The following GPAT3 variants were observed in gnomAD, a reference collection of about 807,000 sequenced individuals.
GPAT3 encodes 1-AGP acyltransferase 9.
Under a neutral mutation model 58.8 loss-of-function variants are expected in GPAT3, and 53 were observed. That is an observed-to-expected ratio of 0.90 (90% confidence interval 0.72 to 1.13). The LOEUF is 1.13. Among genes scored for constraint, GPAT3 ranks in the 50% most tolerant of loss-of-function variants. The pLI is 0.00. For synonymous variants in GPAT3, 197 were observed against 187.4 expected (o/e 1.05, Z -0.42); for missense variants, 511 against 527.6 (o/e 0.97, Z 0.31).
At chr4:83,598,623 T>TTG in intron 10 of GPAT3, 21 bp from the exon 11 acceptor site, 2 of 267,274 alleles carry the variant, frequency 7.5e-6, no homozygotes, top group African/African-American at 5.1e-5. Flanking sequence ...ATTCTTGCAA[T>TTG]TTTTTTTTTT....
chr4:83,595,851 G>T (rs578058551), intron 7 of GPAT3, among the ~76,000 whole-genome samples: 30 of 152,202 alleles, frequency 2.0e-4, no homozygotes, highest in Non-Finnish European at 3.2e-4. Context: ...AAGGCACATT[G>T]GTTATCGCTT....
At chr4:83,535,835 A>G (rs573311588), upstream of GPAT3, 164 of 985,444 alleles carry the variant, frequency 1.7e-4, no homozygotes, top group Non-Finnish European at 1.9e-4. Context: ...TTCGTTTTAC[A>G]CCCACACAAA....
chr4:83,590,885 CTTTTTTTTTTTT>C (rs5859882), intron 6 of GPAT3, among the ~76,000 whole-genome samples: 6 of 114,314 alleles, frequency 5.2e-5, no homozygotes, highest in Admixed American at 1.9e-4. Context: ...GAATCATATT[CTTTTTTTTTTTT>C]TTTTTTTTCA....
intron 1 of GPAT3, among the ~76,000 whole-genome samples, chr4:83,543,850 A>G (rs1724401707): frequency 6.6e-6 from 1 of 152,152 alleles, no homozygotes; most frequent in South Asian, 2.1e-4. Flanking sequence ...CATGTTGGCC[A>G]GGCTAGTCTT....
intron 6 of GPAT3, among the ~76,000 whole-genome samples, chr4:83,592,526 A>G (rs1358249888): frequency 6.6e-6 from 1 of 152,218 alleles, no homozygotes; most frequent in African/African-American, 2.4e-5. Flanking sequence ...GTAGTATACA[A>G]CAGATGTTTT....
chr4:83,540,702 G>A lies in GPAT3; in HGVS notation c.142-3834G>A, dbSNP rs553341648. Among the ~76,000 whole-genome samples, 21 of 151,804 alleles carry A rather than the reference G, an allele frequency of 1.4e-4. No individual in the cohort carries two copies. The South Asian group carries it at 4.4e-3, about 32-fold the overall frequency. On this transcript the variant is annotated intron_variant, in intron 1 of 11. Transcript: ENST00000264409. ...TTTTTATTTTATTTTATTTCTTTTT[G>A]TGAGACAGAGCCTCGCTCTGTCACC...
chr4:83,561,367 G>A (rs770301835), intron 2 of GPAT3, among the ~76,000 whole-genome samples: 8 of 152,156 alleles, frequency 5.3e-5, no homozygotes, highest in Non-Finnish European at 1.0e-4. Flanking sequence ...AAGGTGTTAA[G>A]TCCATGTTCC....
intron 6 of GPAT3, 137 bp downstream of exon 6, chr4:83,590,429 T>C (rs77743097): frequency 0.011 from 7,449 of 708,576 alleles, 339 homozygotes; most frequent in African/African-American, 0.1. Flanking sequence ...ATATAAGTTA[T>C]GTAATGTATT....
chr4:83,562,108 C>G (rs113067978), intron 2 of GPAT3, among the ~76,000 whole-genome samples: 3,762 of 145,520 alleles, frequency 0.026, 164 homozygotes, highest in African/African-American at 0.091. Flanking sequence ...AAATTGTAAG[C>G]AAAGGCAGGA....
At position 83,597,459 on chromosome 4, in the gene GPAT3, A is replaced by T. The variant is rs369595235; in HGVS notation, c.940A>T (p.Met314Leu). Residue 314 changes from methionine (M) to leucine (L), a missense_variant, in exon 9 of 12, where the codon ATG (methionine) becomes TTG (leucine). Coordinates refer to ENST00000264409, the MANE Select transcript of GPAT3 (RefSeq NM_032717.5). ...TTGCATCAACAATACTTCAGTCATG[A>T]TGTTTAAAAAGGGGAGCTTTGAAAT... ...GTCINNTSVMMFKKGSFEIGG... is the reference protein window; with the variant it reads ...GTCINNTSVMLFKKGSFEIGG... 8 of 1,574,138 alleles carry T rather than the reference A, an allele frequency of 5.1e-6. No individual in the cohort carries two copies. In the African/African-American group the frequency reaches 5.4e-5, roughly 11 times the overall value.
chr4:83,555,375 G>T (rs866254389), intron 2 of GPAT3, among the ~76,000 whole-genome samples: 35 of 151,994 alleles, frequency 2.3e-4, no homozygotes, highest in Admixed American at 2.0e-4. Context: ...TCCCCAAAGG[G>T]CAATGATTAA....
At chr4:83,547,158 G>A (rs1211912724) in intron 2 of GPAT3, among the ~76,000 whole-genome samples, 2 of 151,362 alleles carry the variant, frequency 1.3e-5, no homozygotes, top group Non-Finnish European at 2.9e-5. Context: ...AGGTGTGTCT[G>A]AATGATATAG....
intron 3 of GPAT3, among the ~76,000 whole-genome samples, chr4:83,584,377 A>T (rs1448135370): frequency 6.6e-6 from 1 of 152,226 alleles, no homozygotes; most frequent in Non-Finnish European, 1.5e-5. Context: ...GTGTGGAAGA[A>T]CTGCTTTGTA....
In GPAT3 at chr4:83,536,266, G is replaced by C; in HGVS notation, c.-357G>C. The C allele has an allele frequency of 1.9e-6, 2 of 1,026,136 alleles. No individual in the cohort carries two copies. Among genetic ancestry groups the C allele is most frequent in the Non-Finnish European group, 2.3e-6 (2 of 856,746 alleles). The allele number at this position is 1,026,136 out of a possible 1,614,324, so 63.6% of individuals were successfully genotyped here. On this transcript the variant is annotated 5_prime_UTR_variant, in exon 1 of 12. Transcript: ENST00000264409. ...CAGAGGAAATCAGGCACCGGGCGGG[G>C]CGGGTTCCTGGCTGCGCTCGCGCGC... is the stretch of plus-strand genomic sequence containing the variant.
At chr4:83,582,786 G>GTT (rs148147038) in intron 3 of GPAT3, among the ~76,000 whole-genome samples, 6 of 150,650 alleles carry the variant, frequency 4.0e-5, no homozygotes, top group East Asian at 3.9e-4. Context: ...TGTTGTTGTT[G>GTT]TTTTTTTTTG....
intron 3 of GPAT3, among the ~76,000 whole-genome samples, chr4:83,582,446 C>T (rs1717629): frequency 0.017 from 2,646 of 152,234 alleles, 77 homozygotes; most frequent in African/African-American, 0.061. Context: ...ATGGAAAGCA[C>T]GATGTGGAAC....
At chr4:83,600,669 A>T (rs1293937606) in intron 11 of GPAT3, among the ~76,000 whole-genome samples, 2 of 151,448 alleles carry the variant, frequency 1.3e-5, no homozygotes, top group East Asian at 1.9e-4. Context: ...TCCCCAGCTA[A>T]TTTTTTTTGT....
chr4:83,602,916 A>G (rs1056485505), intron 11 of GPAT3, among the ~76,000 whole-genome samples: 4 of 152,138 alleles, frequency 2.6e-5, no homozygotes, highest in South Asian at 4.1e-4. Flanking sequence ...ACCTCCCACA[A>G]CTGACCCACT....
At position 83,594,920 on chromosome 4, in the gene GPAT3, G is replaced by A. The variant is rs902660406; in HGVS notation, c.814G>A (p.Glu272Lys). 6.2e-7 allele frequency: 1 copy of A among 1,613,796 alleles called. No homozygotes were observed. The highest frequency in any genetic ancestry group is 1.3e-5 in the African/African-American group (1 of 74,900). Reference sequence around the variant, plus strand: ...CAAGGCTTGTCCTCATGTCTGGTTTGAACGCTCAGAAATGAAGGATCGACA... The same window carrying A: ...CAAGGCTTGTCCTCATGTCTGGTTTAAACGCTCAGAAATGAAGGATCGACA... ...MVKACPHVWFERSEMKDRHLV... is the reference protein window; with the variant it reads ...MVKACPHVWFKRSEMKDRHLV... The change falls in exon 7 of 12, where the codon GAA (glutamate) becomes AAA (lysine). Residue 272 changes from glutamate (E) to lysine (K), a missense_variant. Glu to Lys is a moderately conservative substitution (Grantham distance 56). Transcript: ENST00000264409.
Sources: allele counts gnomAD v4.1 joint callset (sites outside exome capture counted in the v4.1 genomes callset), GRCh38; gene constraint gnomAD v4.1.1; transcripts MANE v1.5; gene names NCBI Gene and HGNC (gene_info 2026-07-23, HGNC 2026-07-21).